The following CEL variants were observed in gnomAD, a reference collection of about 807,000 sequenced individuals.
CEL encodes the protein bile salt-activated lipase.
In CEL, 39 loss-of-function variants were observed where a neutral mutation model predicts 57.1. That is an observed-to-expected ratio of 0.68 (90% CI 0.53 to 0.89). CEL has a LOEUF of 0.89. Among genes scored for constraint, CEL ranks in the 40% least tolerant of loss-of-function variants. The pLI is 0.00. For synonymous variants in CEL, 314 were observed against 396.6 expected (o/e 0.79, Z 2.48); for missense variants, 698 against 915.0 (o/e 0.76, Z 3.06).
Position 133,066,767 on chromosome 9 carries a change from G to A in CEL, c.670-71G>A, listed in dbSNP as rs953756858. Reference sequence around the variant, plus strand: ...GTGGAGCTGGGGCTGTGGTGCTGGGGTGTCCTTGTCCCAGCGTGGGGTGGG... The same window carrying A: ...GTGGAGCTGGGGCTGTGGTGCTGGGATGTCCTTGTCCCAGCGTGGGGTGGG... On this transcript the variant is annotated intron_variant, in intron 5 of 10. Coordinates refer to ENST00000372080, the MANE Select transcript of CEL (RefSeq NM_001807.6). The surrounding 1 kb of genome is among the most constrained non-coding windows in gnomAD (Gnocchi z 4.3). 2.1e-4 allele frequency: 345 copies of A among 1,606,942 alleles called. 2 individuals are homozygous for A. Among genetic ancestry groups the A allele is most frequent in the Middle Eastern group, 1.7e-4 (1 of 6,018 alleles).
intron 4 of CEL, 82 bp downstream of exon 4, chr9:133,065,319 C>T (rs1487487551): frequency 6.4e-5 from 96 of 1,493,386 alleles, no homozygotes; most frequent in Middle Eastern, 1.7e-4. Flanking sequence ...ACCCCTCACC[C>T]CAAACAACCA....
Position 133,070,659 on chromosome 9 carries a change from GTAAGA to G in CEL, c.1484+2_1484+6del, listed in dbSNP as rs1034945435. 3.1e-6 allele frequency: 5 copies of G among 1,614,192 alleles called. No homozygotes were observed. Among genetic ancestry groups the G allele is most frequent in the Non-Finnish European group, 4.2e-6 (5 of 1,180,034 alleles). On this transcript the variant is annotated splice_donor_variant and splice_donor_5th_base_variant and intron_variant, in intron 10 of 10. Transcript: ENST00000372080. LOFTEE classifies it high-confidence loss of function. ...ACTGGACCAACTTTGCCAAAACAGG[GTAAGA>G]CGTGGGTTGAGTGCAGGGCGGAGGG...
At chr9:133,067,846 C>T (rs1233276079) in intron 7 of CEL, among the ~76,000 whole-genome samples, 4 of 152,144 alleles carry the variant, frequency 2.6e-5, no homozygotes, top group African/African-American at 9.7e-5. Context: ...TTCATTCATT[C>T]GTTCATTCAT....
At chr9:133,069,382 C>A (rs1434127569) in intron 9 of CEL, 123 bp downstream of exon 9, 1 of 445,044 alleles carries the variant, frequency 2.2e-6, no homozygotes, top group African/African-American at 2.4e-5. Context: ...TGCTTGAGTC[C>A]CCACCTGTGC....
chr9:133,068,178 G>A (rs1234172928), intron 7 of CEL, among the ~76,000 whole-genome samples: 1 of 152,214 alleles, frequency 6.6e-6, no homozygotes, highest in Non-Finnish European at 1.5e-5. Context: ...CAGCCACTGG[G>A]TCCTCTAGGG....
rs756182405 is a variant in CEL, at chr9:133,066,996, G to A, written c.777+51G>A. On this transcript the variant is annotated intron_variant, in intron 6 of 10. Coordinates refer to ENST00000372080, the MANE Select transcript of CEL (RefSeq NM_001807.6). This position sits in a 1 kb window ranked among gnomAD's most constrained non-coding sequence, Gnocchi z 4.3. Reference sequence around the variant, plus strand: ...CGGGGTGGGGGCTGTCCACATTTCCGTTCTTTATCCTGGACCCCATCCTTG... The same window carrying A: ...CGGGGTGGGGGCTGTCCACATTTCCATTCTTTATCCTGGACCCCATCCTTG... 44 of 1,605,268 alleles carry A rather than the reference G, an allele frequency of 2.7e-5. No individual in the cohort carries two copies. Among genetic ancestry groups the A allele is most frequent in the South Asian group, 2.3e-4 (21 of 90,858 alleles).
Position 133,067,486 on chromosome 9 carries a change from A to G in CEL, c.895+281A>G, listed in dbSNP as rs140183951. On this transcript the variant is annotated intron_variant, in intron 7 of 10. Coordinates refer to ENST00000372080, the MANE Select transcript of CEL (RefSeq NM_001807.6). ...CCTCCTGGGTTCAAGTGATTCTCTG[A>G]CTCAACCTCCCATGTAGCTGGGACT... 2.6e-5 allele frequency among the ~76,000 whole-genome samples: 4 copies of G among 151,994 alleles called. No homozygotes were observed. The East Asian group carries it at 7.7e-4, about 29-fold the overall frequency.
At chr9:133,070,874 T>C in intron 10 of CEL, 113 bp from the exon 11 acceptor site, 1 of 1,347,794 alleles carries the variant, frequency 7.4e-7, no homozygotes, top group Non-Finnish European at 1.0e-6. Flanking sequence ...GTGAGGGGCA[T>C]GGTGCCCAGG....
intron 1 of CEL, among the ~76,000 whole-genome samples, chr9:133,062,717 G>A (rs554466410): frequency 6.7e-6 from 1 of 149,336 alleles, no homozygotes; most frequent in African/African-American, 2.6e-5. Context: ...CCTCTCTGTT[G>A]TTCCCATTTT....
rs1283467583 is a variant in CEL at position 133,071,794 on chromosome 9, A to G, written c.*30A>G. ...CCATGAGCCTTGGTATCAAGAGGCC[A>G]CAAGAGTGGGACCCCAGGGGCTCCC... On this transcript the variant is annotated 3_prime_UTR_variant, in exon 11 of 11. Transcript: ENST00000372080. 1 of 1,602,226 alleles carries G rather than the reference A, an allele frequency of 6.2e-7. No individual in the cohort carries two copies. The highest frequency in any genetic ancestry group is 1.7e-5 in the Admixed American group (1 of 59,850).
chr9:133,066,161 A>T lies in CEL; in HGVS notation c.539-369A>T, dbSNP rs1320920356. Among the ~76,000 whole-genome samples, 2 of 152,150 alleles carry T rather than the reference A, an allele frequency of 1.3e-5. No homozygotes were observed. The highest frequency in any genetic ancestry group is 2.9e-5 in the Non-Finnish European group (2 of 68,022). On this transcript the variant is annotated intron_variant, in intron 4 of 10. Coordinates refer to ENST00000372080, the MANE Select transcript of CEL (RefSeq NM_001807.6). This position sits in a 1 kb window ranked among gnomAD's most constrained non-coding sequence, Gnocchi z 4.3. ...GACACAGAAGTGGCAGGACACAGAC[A>T]GGAGGGACTGGGGCAGGGGCAGGAG...
chr9:133,066,550 C>T lies in CEL; in HGVS notation c.559C>T (p.Gln187Ter). ...NLPGNYGLRD[Q>*]HMAIAWVKRN... is the part of the protein sequence containing the mutation. ...CCCAGGTAACTATGGCCTTCGGGAT[C>T]AGCACATGGCCATTGCTTGGGTGAA... Residue 187 changes from glutamine (Q) to a stop codon, truncating the protein, a stop_gained, in exon 5 of 11, where the codon CAG (glutamine) becomes TAG (stop). Coordinates refer to ENST00000372080, the MANE Select transcript of CEL (RefSeq NM_001807.6). LOFTEE classifies it high-confidence loss of function. This position sits in a 1 kb window ranked among gnomAD's most constrained non-coding sequence, Gnocchi z 4.3. The T allele has an allele frequency of 6.2e-7, 1 of 1,614,084 alleles. No homozygotes were observed. The highest frequency in any genetic ancestry group is 8.5e-7 in the Non-Finnish European group (1 of 1,180,026).
Position 133,062,064 on chromosome 9 carries a change from C to A in CEL, c.62C>A (p.Ala21Glu). ...TGCTGCTGGGCAGTGGCGAGTGCCG[C>A]GAAGGTAAGAGCCCAGCAGAGGGGC... Reference protein sequence around the residue: ...LTCCWAVASAAKLGAVYTEGG... With the variant: ...LTCCWAVASAEKLGAVYTEGG... Residue 21 changes from alanine (A) to glutamate (E), a missense_variant, in exon 1 of 11, where the codon GCG becomes GAG. By Grantham distance (107) the Ala-to-Glu change is moderately radical (BLOSUM62 -1). Around this residue, in one of 6 missense-constraint regions of CEL, gnomAD observed 327 missense variants for 374.1 expected, o/e 0.87. Coordinates refer to ENST00000372080, the MANE Select transcript of CEL (RefSeq NM_001807.6). The A allele has an allele frequency of 6.5e-7, 1 of 1,544,032 alleles. No homozygotes were observed. Among genetic ancestry groups the A allele is most frequent in the Non-Finnish European group, 8.8e-7 (1 of 1,142,470 alleles).
rs757103826 is a variant in CEL, at chr9:133,064,371, GC to G, written c.67-27del. ...CCGGATTCAGGCCGATGGGGCTTGA[GC>G]CCCCCTGACCCTGCCCGTGTCTCCC... On this transcript the variant is annotated intron_variant, in intron 1 of 10. Transcript: ENST00000372080. 5 of 1,612,004 alleles carry G rather than the reference GC, an allele frequency of 3.1e-6. No homozygotes were observed. In the South Asian group the frequency reaches 3.3e-5, roughly 11 times the overall value.
intron 1 of CEL, among the ~76,000 whole-genome samples, chr9:133,064,002 G>A (rs1830134603): frequency 6.6e-6 from 1 of 152,144 alleles, no homozygotes; most frequent in Non-Finnish European, 1.5e-5. Context: ...CCGGGAGCTG[G>A]ACAGGCCTCC....
At chr9:133,063,609 A>G (rs1830126879) in intron 1 of CEL, among the ~76,000 whole-genome samples, 1 of 152,210 alleles carries the variant, frequency 6.6e-6, no homozygotes, top group Non-Finnish European at 1.5e-5. Context: ...GATGGACAGG[A>G]GGTGGCACTG....
intron 3 of CEL, 28 bp downstream of exon 3, chr9:133,064,790 AC>A (rs1265289618): frequency 6.2e-7 from 1 of 1,613,032 alleles, no homozygotes; most frequent in Non-Finnish European, 8.5e-7. Context: ...TCCCCAAGGG[AC>A]CCTCCCATGC....
At chr9:133,067,331 T>A in intron 7 of CEL, 126 bp downstream of exon 7, 1 of 858,414 alleles carries the variant, frequency 1.2e-6, no homozygotes, top group Non-Finnish European at 1.9e-6. Context: ...ACCAACTAGC[T>A]GGTGTCTCCC....
chr9:133,066,939 CA>C lies in CEL; in HGVS notation c.776del (p.Lys259ArgfsTer20). 1 of 604,170 alleles carries C rather than the reference CA, an allele frequency of 1.7e-6. No individual in the cohort carries two copies. Among genetic ancestry groups the C allele is most frequent in the Non-Finnish European group, 2.8e-6 (1 of 353,814 alleles). The allele number at this position is 604,170 out of a possible 1,614,324, so 37.4% of individuals were successfully genotyped here. On this transcript the variant is annotated frameshift_variant, in exon 6 of 11. Transcript: ENST00000372080. LOFTEE classifies it high-confidence loss of function. This position sits in a 1 kb window ranked among gnomAD's most constrained non-coding sequence, Gnocchi z 4.3. Reference protein sequence around the residue: ...VIQKNPLFWAKKVAEKVGCPV... With the variant: ...VIQKNPLFWAXKVAEKVGCPV... ...TCCAGAAAAACCCACTCTTCTGGGC[CA>C]AAAAGGTAAACGGAGGAGGGCAGGG... is the stretch of plus-strand genomic sequence containing the variant.
Sources: allele counts gnomAD v4.1 joint callset (sites outside exome capture counted in the v4.1 genomes callset), GRCh38; gene constraint gnomAD v4.1.1; regional missense constraint gnomAD v4.1.1; non-coding constraint Gnocchi (gnomAD v3.1); transcripts MANE v1.5; gene names NCBI Gene and HGNC (gene_info 2026-07-23, HGNC 2026-07-21).